Variants in ANO3 observed in about 807,000 individuals in gnomAD.
The protein encoded by ANO3 is anoctamin 3, also known as anoctamin-3.
A neutral mutation model predicts 144.8 loss-of-function variants in ANO3; 99 were observed. That is an observed-to-expected ratio of 0.68 (90% confidence interval 0.58 to 0.81). The LOEUF (loss-of-function observed/expected upper bound fraction) is 0.81. Ranked by LOEUF, ANO3 falls within the 30% of genes least tolerant of loss-of-function variation. ANO3 has a pLI of 0.00. For missense variants in ANO3, 905 were observed against 1,202.2 expected (o/e 0.75, Z 3.66); for synonymous variants, 414 against 392.6 (o/e 1.05, Z -0.64).
chr11:26,199,918 CCTGA>C (rs1354715009), intron 1 of ANO3, among the ~76,000 whole-genome samples: 13 of 152,144 alleles, frequency 8.5e-5, no homozygotes, highest in Admixed American at 6.5e-5. Context: ...TGGGAGTTAG[CCTGA>C]CTAATTTATG....
chr11:26,294,709 C>T (rs1854045803), intron 1 of ANO3, among the ~76,000 whole-genome samples: 1 of 152,148 alleles, frequency 6.6e-6, no homozygotes, highest in Non-Finnish European at 1.5e-5. Flanking sequence ...CTGTGACTTA[C>T]TCTAGTTTGA....
intron 18 of ANO3, among the ~76,000 whole-genome samples, chr11:26,626,145 A>G (rs1306766367): frequency 2.0e-5 from 3 of 152,170 alleles, no homozygotes; most frequent in Non-Finnish European, 2.9e-5. Flanking sequence ...CTCTAGAATA[A>G]TTTTGAATCT....
rs749540548 is a variant in ANO3 at position 26,634,322 on chromosome 11, C to T, written c.1985+7C>T. On this transcript the variant is annotated splice_region_variant and intron_variant, in intron 19 of 26. Coordinates refer to ENST00000256737, the MANE Select transcript of ANO3 (RefSeq NM_031418.4). ...TCGCTTTCTTTTTGGGAAGGTAAGTCAACTTTTTGTACATTATCTTCGCAG... is the reference window on the plus strand; with the variant it reads ...TCGCTTTCTTTTTGGGAAGGTAAGTTAACTTTTTGTACATTATCTTCGCAG... The T allele has an allele frequency of 6.4e-7, 1 of 1,552,120 alleles. No individual in the cohort carries two copies. Among genetic ancestry groups the T allele is most frequent in the South Asian group, 1.1e-5 (1 of 89,630 alleles).
intron 1 of ANO3, among the ~76,000 whole-genome samples, chr11:26,391,374 A>C (rs2133962639): frequency 6.6e-6 from 1 of 152,238 alleles, no homozygotes; most frequent in Non-Finnish European, 1.5e-5. Flanking sequence ...TCCATTCATG[A>C]AGGCAGAGCC....
At chr11:26,367,271 A>T (rs1433151150) in intron 1 of ANO3, among the ~76,000 whole-genome samples, 1 of 152,216 alleles carries the variant, frequency 6.6e-6, no homozygotes, top group Non-Finnish European at 1.5e-5. Context: ...TTCTTCCACC[A>T]GATGCCCTAG....
At chr11:26,515,600 A>G (rs968441908) in intron 5 of ANO3, among the ~76,000 whole-genome samples, 2 of 151,988 alleles carry the variant, frequency 1.3e-5, no homozygotes, top group Non-Finnish European at 2.9e-5. Context: ...TTGGGGCTAT[A>G]GTAGTATATG....
chr11:26,235,629 G>C (rs1210647042), intron 1 of ANO3, among the ~76,000 whole-genome samples: 3 of 146,866 alleles, frequency 2.0e-5, no homozygotes, highest in African/African-American at 7.6e-5. Flanking sequence ...AGGAGTATTA[G>C]TGAATCTAAA....
At chr11:26,259,252 T>C (rs546800898) in intron 1 of ANO3, among the ~76,000 whole-genome samples, 9 of 152,264 alleles carry the variant, frequency 5.9e-5, no homozygotes, top group African/African-American at 1.9e-4. Context: ...TGTATCTATC[T>C]CTCCCTCTCG....
intron 4 of ANO3, among the ~76,000 whole-genome samples, chr11:26,471,625 C>T (rs771735755): frequency 2.1e-4 from 32 of 151,758 alleles, no homozygotes; most frequent in Non-Finnish European, 4.0e-4. Flanking sequence ...CTACAGCTGC[C>T]AACAGTTGTG....
chr11:26,304,579 C>T (rs530946768), intron 1 of ANO3, among the ~76,000 whole-genome samples: 1 of 152,152 alleles, frequency 6.6e-6, no homozygotes, highest in South Asian at 2.1e-4. Flanking sequence ...GGGGAGATTG[C>T]AAATAAGTCA....
At chr11:26,646,496 A>G (rs1012641489) in intron 23 of ANO3, among the ~76,000 whole-genome samples, 12 of 152,248 alleles carry the variant, frequency 7.9e-5, no homozygotes, top group African/African-American at 2.2e-4. Flanking sequence ...AACAAGTCAC[A>G]CTTCCAGTCA....
upstream of ANO3, among the ~76,000 whole-genome samples, chr11:26,305,198 G>C (rs1854353192): frequency 6.6e-6 from 1 of 151,246 alleles, no homozygotes; most frequent in South Asian, 2.1e-4. Context: ...AACAACTTTG[G>C]TTCTAATAAA....
At chr11:26,311,950 T>A (rs1423368049) in intron 1 of ANO3, among the ~76,000 whole-genome samples, 5 of 152,232 alleles carry the variant, frequency 3.3e-5, no homozygotes, top group Non-Finnish European at 1.5e-5. Context: ...GCTGCACCCA[T>A]TAACTGGTCA....
chr11:26,215,936 C>T (rs1349169319), intron 1 of ANO3, among the ~76,000 whole-genome samples: 1 of 151,790 alleles, frequency 6.6e-6, no homozygotes, highest in Non-Finnish European at 1.5e-5. Flanking sequence ...TAACCCATAC[C>T]CCCATTCAAA....
intron 1 of ANO3, among the ~76,000 whole-genome samples, chr11:26,413,985 T>G (rs1857501800): frequency 6.6e-6 from 1 of 152,088 alleles, no homozygotes; most frequent in Non-Finnish European, 1.5e-5. Flanking sequence ...ATTTAATCAC[T>G]GAAAACTATA....
intron 11 of ANO3, among the ~76,000 whole-genome samples, chr11:26,546,541 T>G (rs1849793307): frequency 6.6e-6 from 1 of 151,988 alleles, no homozygotes; most frequent in South Asian, 2.1e-4. Flanking sequence ...CTGTGTGTGT[T>G]AAGTAACCGT....
At chr11:26,460,049 C>T in intron 3 of ANO3, 2 of 448,384 alleles carry the variant, frequency 4.5e-6, no homozygotes, top group Non-Finnish European at 8.9e-6. Flanking sequence ...TCTTCATTTT[C>T]AACATTAGAG....
upstream of ANO3, among the ~76,000 whole-genome samples, chr11:26,304,820 G>A (rs1199322743): frequency 6.6e-6 from 1 of 152,058 alleles, no homozygotes; most frequent in African/African-American, 2.4e-5. Flanking sequence ...CGAAAAGAGA[G>A]ATTCCCAGAA....
chr11:26,202,052 A>G (rs1473959155), intron 1 of ANO3, among the ~76,000 whole-genome samples: 1 of 150,800 alleles, frequency 6.6e-6, no homozygotes, highest in Non-Finnish European at 1.5e-5. Context: ...CTTGCATTGG[A>G]AAAAAAAGTG....
Sources: gnomAD v4.1 joint callset for allele counts (sites outside exome capture counted in the v4.1 genomes callset) on GRCh38, gnomAD v4.1.1 for gene constraint, MANE v1.5 for transcripts, NCBI Gene and HGNC (gene_info 2026-07-23, HGNC 2026-07-21) for gene names.